Variants in ZBTB44 observed in about 807,000 individuals in gnomAD.
The protein encoded by ZBTB44 is zinc finger and BTB domain-containing protein 44.
A neutral mutation model predicts 54.0 loss-of-function variants in ZBTB44; 15 were observed. The ratio of observed to expected loss-of-function variants is 0.28; its 90% CI spans 0.19 to 0.43. The LOEUF is 0.43. Among genes scored for constraint, ZBTB44 ranks in the 20% least tolerant of loss-of-function variants. ZBTB44 has a pLI of 1.00. For missense variants in ZBTB44, 487 were observed against 707.1 expected (o/e 0.69, Z 3.53); for synonymous variants, 230 against 250.1 (o/e 0.92, Z 0.76).
chr11:130,293,916 G>A (rs1368881407), intron 1 of ZBTB44, among the ~76,000 whole-genome samples: 2 of 152,162 alleles, frequency 1.3e-5, no homozygotes, highest in Non-Finnish European at 2.9e-5. Flanking sequence ...ATTTGAAAAA[G>A]TAATGGAGAG....
chr11:130,306,282 C>T (rs1043541762), intron 1 of ZBTB44, among the ~76,000 whole-genome samples: 1 of 152,034 alleles, frequency 6.6e-6, no homozygotes, highest in Non-Finnish European at 1.5e-5. Flanking sequence ...GTGGGCGGAT[C>T]ACCTGAGGTC....
intron 1 of ZBTB44, among the ~76,000 whole-genome samples, chr11:130,267,612 T>A (rs1008712940): frequency 6.6e-6 from 1 of 152,066 alleles, no homozygotes; most frequent in African/African-American, 2.4e-5. Flanking sequence ...GATAGGGGTA[T>A]CCCTATGTTG....
At chr11:130,290,202 A>G (rs1026713939) in intron 1 of ZBTB44, among the ~76,000 whole-genome samples, 2 of 152,208 alleles carry the variant, frequency 1.3e-5, no homozygotes, top group African/African-American at 4.8e-5. Flanking sequence ...CAACGTGAAG[A>G]CCAGTGATGA....
At chr11:130,295,745 G>T (rs1274467436) in intron 1 of ZBTB44, 12 of 1,532,612 alleles carry the variant, frequency 7.8e-6, no homozygotes, top group Non-Finnish European at 9.0e-6. Flanking sequence ...GTAAAACCCT[G>T]GCTTTTCTCA....
Position 130,261,931 on chromosome 11 carries a change from T to TA in ZBTB44, c.-56-3dup. 5 of 1,477,476 alleles carry TA rather than the reference T, an allele frequency of 3.4e-6. No homozygotes were observed. The highest frequency in any genetic ancestry group is 4.5e-6 in the Non-Finnish European group (5 of 1,112,094). 91.5% of individuals were successfully genotyped at this position (1,477,476 alleles called of 1,614,324 possible). On this transcript the variant is annotated splice_polypyrimidine_tract_variant and splice_region_variant and intron_variant, in intron 1 of 7. Transcript: ENST00000357899. The surrounding 1 kb of genome is among the most constrained non-coding windows in gnomAD (Gnocchi z 4.8). ...GGATGCAAATAAATCAGAAATGTCC[T>TA]AAAAAATACATAAAATAAAGCATTA... is the stretch of plus-strand genomic sequence containing the variant.
intron 4 of ZBTB44, 121 bp from the exon 5 acceptor site, chr11:130,237,214 GC>G (rs1317092239): frequency 1.0e-6 from 1 of 990,036 alleles, no homozygotes; most frequent in African/African-American, 1.7e-5. Context: ...AGAATTACCA[GC>G]AAAAACATAT....
chr11:130,275,704 T>G (rs906589196), intron 1 of ZBTB44, among the ~76,000 whole-genome samples: 5 of 152,110 alleles, frequency 3.3e-5, no homozygotes, highest in Non-Finnish European at 7.4e-5. Context: ...CTTAGCTCAC[T>G]GCAACTTCCG....
At chr11:130,268,908 A>AC (rs1216508415) in intron 1 of ZBTB44, among the ~76,000 whole-genome samples, 5 of 151,920 alleles carry the variant, frequency 3.3e-5, no homozygotes, top group African/African-American at 1.2e-4. Context: ...AGAGAGAGAA[A>AC]AAAAGAAAAT....
intron 1 of ZBTB44, among the ~76,000 whole-genome samples, chr11:130,276,242 A>AAAAAAAAAAAAAAAAAAAG (rs59112840): frequency 0.017 from 1,605 of 94,164 alleles, 31 homozygotes; most frequent in Non-Finnish European, 0.026. Context: ...CAAAAAAAAA[A>AAAAAAAAAAAAAAAAAAAG]AAAAGAAAAA....
chr11:130,271,681 A>G (rs1939681706), intron 1 of ZBTB44, among the ~76,000 whole-genome samples: 1 of 152,198 alleles, frequency 6.6e-6, no homozygotes, highest in Non-Finnish European at 1.5e-5. Context: ...TTTATTGCTG[A>G]AAAAATACTC....
Position 130,301,638 on chromosome 11 carries a change from T to C in ZBTB44, c.-57+12737A>G, listed in dbSNP as rs541926674. ...GAGACTGTGCCATTGCACTCCAGCC[T>C]GGGCAATTGAGCCAGATTCTGTCTC... On this transcript the variant is annotated intron_variant, in intron 1 of 7. Transcript: ENST00000357899. 5.3e-5 allele frequency among the ~76,000 whole-genome samples: 8 copies of C among 152,256 alleles called. No homozygotes were observed. In the South Asian group the frequency reaches 1.2e-3, roughly 24 times the overall value.
Position 130,228,122 on chromosome 11 carries a change from G to A in ZBTB44, c.*3642C>T, listed in dbSNP as rs1226678717. The A allele has an allele frequency of 4.6e-5, 7 of 152,150 alleles. No individual in the cohort carries two copies. The highest frequency in any genetic ancestry group is 8.8e-5 in the Non-Finnish European group (6 of 68,028). The allele number at this position is 152,150 out of a possible 1,614,324, so 9.4% of individuals were successfully genotyped here. On this transcript the variant is annotated 3_prime_UTR_variant, in exon 8 of 8. Coordinates refer to ENST00000357899, the MANE Select transcript of ZBTB44 (RefSeq NM_001301098.2). ...AGGTGCCACAAGGCTGCCCTACAAAGAGGCAGGCAATCTCTACCTGATGCA... is the reference window on the plus strand; with the variant it reads ...AGGTGCCACAAGGCTGCCCTACAAAAAGGCAGGCAATCTCTACCTGATGCA...
chr11:130,229,970 G>A lies in ZBTB44; in HGVS notation c.*1794C>T, dbSNP rs1449806239. On this transcript the variant is annotated 3_prime_UTR_variant, in exon 8 of 8. Coordinates refer to ENST00000357899, the MANE Select transcript of ZBTB44 (RefSeq NM_001301098.2). ...CAGAATTACAGCTTCATACTTTGCA[G>A]ATGACTGAAACAAAGTAACATATGA... The A allele has an allele frequency of 6.6e-6, 1 of 151,930 alleles. No homozygotes were observed. The highest frequency in any genetic ancestry group is 1.5e-5 in the Non-Finnish European group (1 of 67,946). The allele number at this position is 151,930 out of a possible 1,614,324, so 9.4% of individuals were successfully genotyped here.
chr11:130,308,060 G>A (rs974902716), intron 1 of ZBTB44, among the ~76,000 whole-genome samples: 1 of 152,100 alleles, frequency 6.6e-6, no homozygotes, highest in Admixed American at 6.5e-5. Flanking sequence ...CCTTTTCTAG[G>A]TTTAGATATG....
At position 130,314,557 on chromosome 11, in the gene ZBTB44, G is replaced by A. The variant is rs1942834415; in HGVS notation, c.-239C>T. ...CGGGCCGCCGCGCCTAGGCCCGTGA[G>A]CAGCCTGTGGTGGGGCATGGCGGCA... On this transcript the variant is annotated 5_prime_UTR_variant, in exon 1 of 8. Transcript: ENST00000357899. The A allele has an allele frequency of 1.5e-3, 2 of 1,334 alleles. No individual in the cohort carries two copies. Among genetic ancestry groups the A allele is most frequent in the African/African-American group, 8.1e-3 (2 of 248 alleles). The allele number at this position is 1,334 out of a possible 1,614,324, so 0.1% of individuals were successfully genotyped here.
intron 2 of ZBTB44, among the ~76,000 whole-genome samples, chr11:130,244,003 T>C (rs754969195): frequency 2.6e-5 from 4 of 152,150 alleles, no homozygotes; most frequent in Non-Finnish European, 5.9e-5. Flanking sequence ...TTCAGTTTCA[T>C]TTCTCCTGCT....
intron 2 of ZBTB44, among the ~76,000 whole-genome samples, chr11:130,246,288 C>CATAT (rs532438820): frequency 6.6e-6 from 1 of 151,824 alleles, no homozygotes; most frequent in Non-Finnish European, 1.5e-5. Flanking sequence ...TACACACACA[C>CATAT]ATATATATAT....
intron 1 of ZBTB44, among the ~76,000 whole-genome samples, chr11:130,302,524 G>A (rs1942040878): frequency 6.6e-6 from 1 of 152,180 alleles, no homozygotes; most frequent in South Asian, 2.1e-4. Context: ...GTAATGGAAA[G>A]CCACAAAAAG....
chr11:130,312,864 C>T (rs1942701399), intron 1 of ZBTB44, among the ~76,000 whole-genome samples: 1 of 152,112 alleles, frequency 6.6e-6, no homozygotes, highest in African/African-American at 2.4e-5. Flanking sequence ...GAGAATGTCC[C>T]TATTTTTAGG....
Sources: allele counts gnomAD v4.1 joint callset (sites outside exome capture counted in the v4.1 genomes callset), GRCh38; gene constraint gnomAD v4.1.1; non-coding constraint Gnocchi (gnomAD v3.1); transcripts MANE v1.5; gene names NCBI Gene and HGNC (gene_info 2026-07-23, HGNC 2026-07-21).